C16orf96: variants seen among roughly 807,000 people sequenced by gnomAD.
C16orf96 encodes uncharacterized protein C16orf96.
Under a neutral mutation model 103.6 loss-of-function variants are expected in C16orf96, and 108 were observed. The ratio of observed to expected loss-of-function variants is 1.04; its 90% CI spans 0.89 to 1.22. C16orf96 has a LOEUF of 1.22. Among genes scored for constraint, C16orf96 ranks in the 50% most tolerant of loss-of-function variants. C16orf96 has a pLI of 0.00. For synonymous variants in C16orf96, 566 were observed against 593.5 expected (o/e 0.95, Z 0.67); for missense variants, 1,586 against 1,464.2 (o/e 1.08, Z -1.36).
intron 7 of C16orf96, 98 bp from the exon 8 acceptor site, chr16:4,586,941 A>T: frequency 8.9e-7 from 1 of 1,125,588 alleles, no homozygotes; most frequent in Non-Finnish European, 1.3e-6. Context: ...ACGGCCTGCT[A>T]TCCCTCCCCA....
chr16:4,591,887 A>G, intron 10 of C16orf96, 103 bp downstream of exon 10: 1 of 925,862 alleles, frequency 1.1e-6, no homozygotes, highest in South Asian at 1.4e-5. Context: ...CCTTTGGATG[A>G]GGGGATGGGG....
intron 13 of C16orf96, 39 bp from the exon 14 acceptor site, chr16:4,594,665 T>A: frequency 6.5e-7 from 1 of 1,548,792 alleles, no homozygotes; most frequent in South Asian, 1.2e-5. Context: ...GCAGATCGGG[T>A]CGGGGGCTCC....
intron 6 of C16orf96, among the ~76,000 whole-genome samples, chr16:4,579,686 G>A (rs575220147): frequency 2.0e-5 from 3 of 149,242 alleles, no homozygotes; most frequent in African/African-American, 7.4e-5. Flanking sequence ...ACCTCAGCTC[G>A]CTGCAACCTC....
At position 4,579,040 on chromosome 16, in the gene C16orf96, C is replaced by T. The variant is rs758451783; in HGVS notation, c.2241+15C>T. 4 of 1,549,908 alleles carry T rather than the reference C, an allele frequency of 2.6e-6. No individual in the cohort carries two copies. Among genetic ancestry groups the T allele is most frequent in the South Asian group, 2.4e-5 (2 of 84,006 alleles). ...CTAGGCTCAAGGTTAGTGTCTCCGG[C>T]GAAGGGCTTTTGAGGCAGTGATGGC... On this transcript the variant is annotated intron_variant, in intron 6 of 15. Transcript: ENST00000444310.
At chr16:4,570,820 A>G (rs566562208) in intron 1 of C16orf96, among the ~76,000 whole-genome samples, 2 of 151,988 alleles carry the variant, frequency 1.3e-5, no homozygotes, top group South Asian at 2.1e-4. Context: ...AGCAAGCAAT[A>G]ATTTCTGCAG....
the C16orf96 span, among the ~76,000 whole-genome samples, chr16:4,542,764 T>G: frequency 6.6e-6 from 1 of 152,150 alleles, no homozygotes; most frequent in Admixed American, 6.6e-5. Context: ...ACCATTGCAC[T>G]CCAGCCTGGG....
chr16:4,542,717 C>T, the C16orf96 span, among the ~76,000 whole-genome samples: 1 of 151,976 alleles, frequency 6.6e-6, no homozygotes, highest in Non-Finnish European at 1.5e-5. Flanking sequence ...AGAATAGCTT[C>T]AACTGGGAGG....
chr16:4,557,453 C>A (rs2059278455), intron 1 of C16orf96, among the ~76,000 whole-genome samples: 1 of 152,102 alleles, frequency 6.6e-6, no homozygotes, highest in Non-Finnish European at 1.5e-5. Flanking sequence ...ACGAAATGTC[C>A]AGAATAGGTA....
In C16orf96 at chr16:4,591,699, GA is replaced by G. The variant is rs776180665; in HGVS notation, c.2629del (p.Met877TrpfsTer12). On this transcript the variant is annotated frameshift_variant, in exon 10 of 16. Coordinates refer to ENST00000444310, the MANE Select transcript of C16orf96 (RefSeq NM_001145011.2). LOFTEE classifies it high-confidence loss of function. ...VHSDLDPLKK[E>X]MEEVWKIVRK... is the part of the protein sequence containing the mutation. Reference sequence around the variant, plus strand: ...CAGTGATCTGGATCCCTTGAAGAAAGAAATGGAAGAGGTCTGGAAAATCGTC... The same window carrying G: ...CAGTGATCTGGATCCCTTGAAGAAAGAATGGAAGAGGTCTGGAAAATCGTC... The G allele has an allele frequency of 6.4e-7, 1 of 1,551,684 alleles. No individual in the cohort carries two copies. Among genetic ancestry groups the G allele is most frequent in the South Asian group, 1.2e-5 (1 of 84,066 alleles).
chr16:4,550,348 G>A, the C16orf96 span, among the ~76,000 whole-genome samples: 1 of 152,114 alleles, frequency 6.6e-6, no homozygotes, highest in Non-Finnish European at 1.5e-5. Flanking sequence ...GCCTCCCACA[G>A]TGCTGAGATT....
rs1284631922 is a variant in C16orf96 at position 4,588,157 on chromosome 16, G to T, written c.2428-10G>T. ...GCAGCCATGCCTCCCTGAACTCCCT[G>T]TCTCCCTAGAAAGCTGACAGGAGTG... On this transcript the variant is annotated splice_polypyrimidine_tract_variant and intron_variant, in intron 8 of 15. Coordinates refer to ENST00000444310, the MANE Select transcript of C16orf96 (RefSeq NM_001145011.2). The T allele has an allele frequency of 1.9e-6, 3 of 1,549,460 alleles. No homozygotes were observed. The highest frequency in any genetic ancestry group is 2.7e-5 in the African/African-American group (2 of 72,952).
the C16orf96 span, among the ~76,000 whole-genome samples, chr16:4,551,219 G>A: frequency 6.6e-6 from 1 of 152,172 alleles, no homozygotes; most frequent in African/African-American, 2.4e-5. Context: ...TGCGTGAGCT[G>A]CGATCGCACC....
chr16:4,548,364 G>A, the C16orf96 span, among the ~76,000 whole-genome samples: 14 of 152,288 alleles, frequency 9.2e-5, no homozygotes, highest in South Asian at 2.9e-3. Flanking sequence ...CATCGGTACT[G>A]CAAAGCCACC....
chr16:4,578,175 ACTTT>A lies in C16orf96; in HGVS notation c.2156-764_2156-761del, dbSNP rs754305274. On this transcript the variant is annotated intron_variant, in intron 5 of 15. Transcript: ENST00000444310. Reference sequence around the variant, plus strand: ...TTATTATTTTTTGAGATGGAGTTTCACTTTTGTCGCCGGTTGGAGTGCAATGGCG... The same window carrying A: ...TTATTATTTTTTGAGATGGAGTTTCATGTCGCCGGTTGGAGTGCAATGGCG... Among the ~76,000 whole-genome samples the A allele has an allele frequency of 5.2e-3, 794 of 152,204 alleles. 5 individuals carry two copies. The highest frequency in any genetic ancestry group is 0.027 in the Middle Eastern group (8 of 294).
At chr16:4,572,442 G>T (rs550681102) in intron 2 of C16orf96, among the ~76,000 whole-genome samples, 43 of 151,818 alleles carry the variant, frequency 2.8e-4, no homozygotes, top group African/African-American at 9.4e-4. Flanking sequence ...TGGGACTACA[G>T]GCGCCCGCCC....
intron 11 of C16orf96, among the ~76,000 whole-genome samples, chr16:4,592,995 A>G (rs1445419366): frequency 6.6e-6 from 1 of 152,190 alleles, no homozygotes; most frequent in Non-Finnish European, 1.5e-5. Flanking sequence ...TTTTGGAAAT[A>G]GAACAATTGT....
chr16:4,591,582 AG>A, intron 9 of C16orf96, 83 bp from the exon 10 acceptor site: 4 of 1,093,570 alleles, frequency 3.7e-6, no homozygotes, highest in Non-Finnish European at 5.5e-6. Context: ...GTAACTTCCC[AG>A]GTTGCTGCAA....
intron 8 of C16orf96, 62 bp from the exon 9 acceptor site, chr16:4,588,105 C>A: frequency 6.6e-7 from 1 of 1,507,088 alleles, no homozygotes; most frequent in Admixed American, 2.0e-5. Context: ...GGTGTGATGT[C>A]TCCCAGCTTT....
chr16:4,574,830 AC>A (rs534043299), intron 3 of C16orf96, 41 bp downstream of exon 3: 2 of 1,541,714 alleles, frequency 1.3e-6, no homozygotes, highest in Non-Finnish European at 8.8e-7. Context: ...TCCCCCTGGG[AC>A]CCCCCAACCT....
Sources: gnomAD v4.1 joint callset for allele counts (sites outside exome capture counted in the v4.1 genomes callset) on GRCh38, gnomAD v4.1.1 for gene constraint, MANE v1.5 for transcripts, NCBI Gene and HGNC (gene_info 2026-07-23, HGNC 2026-07-21) for gene names.